Variants in ATRNL1 observed in about 807,000 individuals in gnomAD.
ATRNL1 encodes the protein attractin like 1.
ATRNL1 carries 95 observed loss-of-function variants against 182.7 expected under a neutral mutation model. That is an observed-to-expected ratio of 0.52 (90% confidence interval 0.44 to 0.62). ATRNL1 has a LOEUF of 0.62. Among genes scored for constraint, ATRNL1 ranks in the 20% least tolerant of loss-of-function variants. The pLI is 0.00. For missense variants in ATRNL1, 1,471 were observed against 1,679.5 expected, an observed-to-expected ratio of 0.88 and a Z score of 2.17; for synonymous variants, 576 against 568.3, an observed-to-expected ratio of 1.01 and a Z score of -0.19.
At chr10:115,694,913 A>T (rs1277803077) in intron 26 of ATRNL1, among the ~76,000 whole-genome samples, 1 of 115,434 alleles carries the variant, frequency 8.7e-6, no homozygotes, top group African/African-American at 3.5e-5. Flanking sequence ...TTATAAAATC[A>T]CACACACACA....
chr10:115,509,213 C>A (rs1013117496), intron 24 of ATRNL1, among the ~76,000 whole-genome samples: 1 of 152,046 alleles, frequency 6.6e-6, no homozygotes, highest in Non-Finnish European at 1.5e-5. Context: ...AAAAAGACTT[C>A]TTTCAAAATA....
intron 2 of ATRNL1, among the ~76,000 whole-genome samples, chr10:115,120,738 G>C (rs1228692072): frequency 6.6e-6 from 1 of 152,046 alleles, no homozygotes; most frequent in African/African-American, 2.4e-5. Context: ...TGTGAATGGA[G>C]CATAAAAGAA....
intron 24 of ATRNL1, among the ~76,000 whole-genome samples, chr10:115,516,807 A>C (rs1329340578): frequency 6.6e-6 from 1 of 151,872 alleles, no homozygotes; most frequent in African/African-American, 2.4e-5. Flanking sequence ...TAAACTTCTT[A>C]TTTGGATATA....
chr10:115,184,440 A>T (rs1372284333), intron 8 of ATRNL1, among the ~76,000 whole-genome samples: 1 of 151,536 alleles, frequency 6.6e-6, no homozygotes, highest in Non-Finnish European at 1.5e-5. Context: ...ATATATATAC[A>T]CACAACTATA....
At chr10:115,405,670 A>G in intron 20 of ATRNL1, among the ~76,000 whole-genome samples, 2 of 150,402 alleles carry the variant, frequency 1.3e-5, no homozygotes, top group East Asian at 3.9e-4. Flanking sequence ...ATTATAACAC[A>G]CTTCATTCAT....
chr10:115,901,743 G>GAAAAAAAAAAAAAAAA (rs562327427), intron 28 of ATRNL1, among the ~76,000 whole-genome samples: 2 of 58,016 alleles, frequency 3.4e-5, no homozygotes, highest in Non-Finnish European at 4.8e-5. Flanking sequence ...GAACTGAGAA[G>GAAAAAAAAAAAAAAAA]AAAAAAAAAA....
chr10:115,606,838 G>C (rs968193161), intron 26 of ATRNL1, among the ~76,000 whole-genome samples: 1 of 151,892 alleles, frequency 6.6e-6, no homozygotes. Flanking sequence ...ATATTTTCTA[G>C]CCATGCCTGT....
intron 18 of ATRNL1, among the ~76,000 whole-genome samples, chr10:115,317,369 A>G (rs1030865695): frequency 6.6e-6 from 1 of 152,194 alleles, no homozygotes; most frequent in Non-Finnish European, 1.5e-5. Context: ...CGTCTTGGCT[A>G]TATGGGGTCT....
intron 19 of ATRNL1, among the ~76,000 whole-genome samples, chr10:115,372,584 T>C (rs1474902699): frequency 2.6e-5 from 4 of 152,236 alleles, no homozygotes; most frequent in Non-Finnish European, 4.4e-5. Context: ...TTCATTCTTA[T>C]GCATGTAAAT....
At chr10:115,851,018 C>T (rs1487329791) in intron 28 of ATRNL1, among the ~76,000 whole-genome samples, 1 of 152,126 alleles carries the variant, frequency 6.6e-6, no homozygotes, top group Non-Finnish European at 1.5e-5. Flanking sequence ...ATTAAATTAG[C>T]GTTCATTATT....
At chr10:115,753,126 T>G (rs538491344) in intron 27 of ATRNL1, among the ~76,000 whole-genome samples, 1 of 152,020 alleles carries the variant, frequency 6.6e-6, no homozygotes, top group Non-Finnish European at 1.5e-5. Context: ...TATGGAAGAT[T>G]TGATGTTATT....
At chr10:115,529,742 A>G (rs1851453755) in intron 25 of ATRNL1, among the ~76,000 whole-genome samples, 1 of 152,092 alleles carries the variant, frequency 6.6e-6, no homozygotes, top group Non-Finnish European at 1.5e-5. Context: ...TCTAATTTTA[A>G]TTTGTGTTTT....
chr10:115,905,941 G>C (rs1301096865), intron 28 of ATRNL1, among the ~76,000 whole-genome samples: 3 of 152,158 alleles, frequency 2.0e-5, no homozygotes, highest in East Asian at 1.9e-4. Context: ...AGAATAGCCT[G>C]GTTTATAGGG....
At chr10:115,670,489 G>A (rs566361652) in intron 26 of ATRNL1, among the ~76,000 whole-genome samples, 8 of 152,108 alleles carry the variant, frequency 5.3e-5, no homozygotes, top group Non-Finnish European at 1.0e-4. Flanking sequence ...CAATATATGA[G>A]ATATTGGGAC....
At chr10:115,421,464 T>C (rs1382575947) in intron 20 of ATRNL1, among the ~76,000 whole-genome samples, 3 of 152,078 alleles carry the variant, frequency 2.0e-5, no homozygotes, top group African/African-American at 7.2e-5. Flanking sequence ...TCTCAATAGA[T>C]GCTAAAAAAA....
intron 27 of ATRNL1, among the ~76,000 whole-genome samples, chr10:115,764,917 G>T (rs1044657255): frequency 6.6e-6 from 1 of 152,148 alleles, no homozygotes; most frequent in Non-Finnish European, 1.5e-5. Flanking sequence ...CAGGCAATCC[G>T]CCCGCCTTGG....
chr10:115,341,836 C>G (rs1357926951), intron 19 of ATRNL1, among the ~76,000 whole-genome samples: 3 of 151,908 alleles, frequency 2.0e-5, no homozygotes, highest in South Asian at 2.1e-4. Flanking sequence ...ATAGCTACTC[C>G]TATTCTTTTT....
chr10:115,414,779 G>A (rs1845309739), intron 20 of ATRNL1, among the ~76,000 whole-genome samples: 1 of 151,664 alleles, frequency 6.6e-6, no homozygotes, highest in Non-Finnish European at 1.5e-5. Context: ...ATTATTAGAT[G>A]TATTTTAGAT....
intron 19 of ATRNL1, among the ~76,000 whole-genome samples, chr10:115,369,262 G>T (rs962145353): frequency 2.5e-4 from 37 of 150,088 alleles, no homozygotes; most frequent in African/African-American, 8.8e-4. Flanking sequence ...GGGGTTGTGT[G>T]AGGGGGATGG....
Sources: allele counts gnomAD v4.1 joint callset (sites outside exome capture counted in the v4.1 genomes callset), GRCh38; gene constraint gnomAD v4.1.1; transcripts MANE v1.5; gene names NCBI Gene and HGNC (gene_info 2026-07-23, HGNC 2026-07-21).